MIB1: variants seen among roughly 807,000 people sequenced by gnomAD.
MIB1 encodes the protein E3 ubiquitin-protein ligase MIB1.
A neutral mutation model predicts 124.5 loss-of-function variants in MIB1; 278 were observed. The observed-to-expected ratio is 2.23, with a 90% confidence interval of 2.02 to 2.47. The LOEUF is 2.47. Among genes scored for constraint, MIB1 ranks in the 30% most tolerant of loss-of-function variants. MIB1 has a pLI of 0.00. For missense variants in MIB1, 957 were observed against 1,254.4 expected, an observed-to-expected ratio of 0.76 and a Z score of 3.58; for synonymous variants, 446 against 429.4, an observed-to-expected ratio of 1.04 and a Z score of -0.48.
At chr18:21,716,993 G>T (rs1343711260) in intron 1 of MIB1, among the ~76,000 whole-genome samples, 1 of 152,178 alleles carries the variant, frequency 6.6e-6, no homozygotes, top group East Asian at 1.9e-4. Context: ...CACATTATCT[G>T]ATTTCAAACT....
chr18:21,787,254 T>C (rs2041446640), intron 6 of MIB1, among the ~76,000 whole-genome samples: 1 of 152,130 alleles, frequency 6.6e-6, no homozygotes, highest in South Asian at 2.1e-4. Flanking sequence ...CCAAAAGTGG[T>C]ACCTTGGCTA....
At chr18:21,783,789 C>T (rs1161855747) in intron 6 of MIB1, among the ~76,000 whole-genome samples, 1 of 151,868 alleles carries the variant, frequency 6.6e-6, no homozygotes, top group East Asian at 1.9e-4. Flanking sequence ...CTCTGTCATT[C>T]AGGCTGTAGT....
chr18:21,727,952 T>A (rs916920041), intron 1 of MIB1, among the ~76,000 whole-genome samples: 1 of 152,162 alleles, frequency 6.6e-6, no homozygotes, highest in Non-Finnish European at 1.5e-5. Context: ...ATTGCAACAT[T>A]GTGAGACTGT....
chr18:21,708,199 C>T (rs1012262856), intron 1 of MIB1, among the ~76,000 whole-genome samples: 24 of 152,274 alleles, frequency 1.6e-4, no homozygotes, highest in Admixed American at 1.5e-3. Context: ...AGAAAATGTA[C>T]TGACCTAGGA....
At position 21,858,461 on chromosome 18, in the gene MIB1, TAAAC is replaced by T. The variant is rs537783019; in HGVS notation, c.2780-81_2780-78del. The T allele has an allele frequency of 3.8e-4, 263 of 697,176 alleles. 1 individual carries two copies. The highest frequency in any genetic ancestry group is 3.7e-3 in the African/African-American group (207 of 55,552). The allele number at this position is 697,176 out of a possible 1,614,324, so 43.2% of individuals were successfully genotyped here. ...TTTAATAATAGTTTTATGTTTTTAATAAACAAAACAGTAATATTTTATTTTATAA... is the reference window on the plus strand; with the variant it reads ...TTTAATAATAGTTTTATGTTTTTAATAAAACAGTAATATTTTATTTTATAA... On this transcript the variant is annotated intron_variant, in intron 19 of 20. Transcript: ENST00000261537.
chr18:21,748,630 C>T (rs1017710251), intron 1 of MIB1, among the ~76,000 whole-genome samples: 3 of 151,290 alleles, frequency 2.0e-5, no homozygotes, highest in African/African-American at 7.3e-5. Context: ...AGGGTCCTGC[C>T]GTGTTGCCCA....
chr18:21,733,764 G>C (rs936415558), intron 1 of MIB1, among the ~76,000 whole-genome samples: 3 of 151,762 alleles, frequency 2.0e-5, no homozygotes, highest in Non-Finnish European at 4.4e-5. Flanking sequence ...GGAGTGCAAT[G>C]GTGCAATCTC....
intron 5 of MIB1, 150 bp from the exon 6 acceptor site, chr18:21,779,330 TA>T: frequency 1.6e-6 from 1 of 635,420 alleles, no homozygotes; most frequent in Non-Finnish European, 2.7e-6. Context: ...TTTCTAGTTC[TA>T]AAATTTTATA....
At chr18:21,735,755 G>GC (rs1419224789) in intron 1 of MIB1, among the ~76,000 whole-genome samples, 9 of 152,230 alleles carry the variant, frequency 5.9e-5, no homozygotes, top group Non-Finnish European at 7.3e-5. Context: ...AAACAAAGCT[G>GC]CCGGAAGTTC....
intron 20 of MIB1, among the ~76,000 whole-genome samples, chr18:21,860,781 T>A (rs919177602): frequency 6.6e-6 from 1 of 152,166 alleles, no homozygotes; most frequent in East Asian, 1.9e-4. Context: ...GTACCTGTAA[T>A]CCCAGCTGCT....
chr18:21,739,161 C>A (rs190909878), upstream of MIB1, among the ~76,000 whole-genome samples: 3 of 152,270 alleles, frequency 2.0e-5, no homozygotes, highest in East Asian at 1.9e-4. Context: ...ATAAAAACTT[C>A]TACGCAAATA....
intron 13 of MIB1, among the ~76,000 whole-genome samples, chr18:21,839,206 A>G (rs2042060518): frequency 6.6e-6 from 1 of 152,240 alleles, no homozygotes; most frequent in Non-Finnish European, 1.5e-5. Context: ...CAAATAATAT[A>G]TGTAATCAAA....
intron 7 of MIB1, 73 bp from the exon 8 acceptor site, chr18:21,798,011 A>G: frequency 7.0e-7 from 1 of 1,420,220 alleles, no homozygotes; most frequent in East Asian, 2.3e-5. Flanking sequence ...TACTTTAAGC[A>G]TATAAAAACT....
intron 1 of MIB1, among the ~76,000 whole-genome samples, chr18:21,728,704 G>A (rs1248476613): frequency 6.6e-6 from 1 of 152,028 alleles, no homozygotes; most frequent in Admixed American, 6.6e-5. Context: ...ATTTTGGGGG[G>A]TCCAGTGTGA....
intron 12 of MIB1, among the ~76,000 whole-genome samples, chr18:21,833,183 A>G (rs908568163): frequency 6.6e-6 from 1 of 152,198 alleles, no homozygotes; most frequent in Non-Finnish European, 1.5e-5. Flanking sequence ...CAGATTTGTG[A>G]TAATGAAATG....
At chr18:21,736,117 T>C (rs1483985579), upstream of MIB1, among the ~76,000 whole-genome samples, 1 of 152,206 alleles carries the variant, frequency 6.6e-6, no homozygotes, top group Non-Finnish European at 1.5e-5. Flanking sequence ...AGACACCTCA[T>C]ACAGGAGAGC....
At chr18:21,829,093 C>T (rs1399620054) in intron 12 of MIB1, 2 of 450,546 alleles carry the variant, frequency 4.4e-6, no homozygotes, top group Admixed American at 2.7e-5. Flanking sequence ...GTAGGTATTA[C>T]TAAGTTGTTA....
chr18:21,743,881 A>G (rs1324599518), intron 1 of MIB1, among the ~76,000 whole-genome samples: 2 of 152,164 alleles, frequency 1.3e-5, no homozygotes, highest in Non-Finnish European at 2.9e-5. Context: ...TCATATTAAT[A>G]GTTTTATTAT....
intron 12 of MIB1, among the ~76,000 whole-genome samples, chr18:21,830,346 A>G (rs2041967104): frequency 6.6e-6 from 1 of 152,180 alleles, no homozygotes; most frequent in Non-Finnish European, 1.5e-5. Context: ...GAGATGCAAA[A>G]TCATCACTTA....
Sources: gnomAD v4.1 joint callset for allele counts (sites outside exome capture counted in the v4.1 genomes callset) on GRCh38, gnomAD v4.1.1 for gene constraint, MANE v1.5 for transcripts, NCBI Gene and HGNC (gene_info 2026-07-23, HGNC 2026-07-21) for gene names.